The following MMD2 variants were observed in gnomAD, a reference collection of about 807,000 sequenced individuals.
The protein encoded by MMD2 is monocyte to macrophage differentiation factor 2.
MMD2 carries 30 observed loss-of-function variants against 33.5 expected under a neutral mutation model. The ratio of observed to expected loss-of-function variants is 0.90; its 90% CI spans 0.67 to 1.22. MMD2 has a LOEUF of 1.22. Ranked by LOEUF, MMD2 falls within the 50% of genes most tolerant of loss-of-function variation. The pLI is 0.00. For missense variants in MMD2, 364 were observed against 325.4 expected (o/e 1.12, Z -0.91); for synonymous variants, 129 against 123.0 (o/e 1.05, Z -0.32).
chr7:4,894,446 G>C, the MMD2 span, among the ~76,000 whole-genome samples: 1 of 152,130 alleles, frequency 6.6e-6, no homozygotes, highest in Non-Finnish European at 1.5e-5. This position sits in a 1 kb window ranked among gnomAD's most constrained non-coding sequence, Gnocchi z 4.3. Flanking sequence ...TAACAGAGTG[G>C]CTTTTAAGCG....
chr7:4,894,239 C>T, the MMD2 span, among the ~76,000 whole-genome samples: 9 of 152,164 alleles, frequency 5.9e-5, no homozygotes, highest in East Asian at 3.9e-4. This position sits in a 1 kb window ranked among gnomAD's most constrained non-coding sequence, Gnocchi z 4.3. Flanking sequence ...ACTTGCCTTA[C>T]GACCTAGCCG....
At chr7:4,943,630 G>T (rs1785973520) in intron 1 of MMD2, among the ~76,000 whole-genome samples, 1 of 152,134 alleles carries the variant, frequency 6.6e-6, no homozygotes, top group African/African-American at 2.4e-5. Context: ...CCAGTAGCCA[G>T]CATGTTAGCC....
chr7:4,905,521 A>G (rs190105507), downstream of MMD2, among the ~76,000 whole-genome samples: 54 of 151,894 alleles, frequency 3.6e-4, 2 homozygotes, highest in East Asian at 5.8e-3. This position sits in a 1 kb window ranked among gnomAD's most constrained non-coding sequence, Gnocchi z 5.0. Flanking sequence ...AGCAAGGAAG[A>G]AGGAGTAGTC....
intron 1 of MMD2, among the ~76,000 whole-genome samples, chr7:4,952,358 C>T (rs1786268270): frequency 6.6e-6 from 1 of 152,144 alleles, no homozygotes. Flanking sequence ...GTGGGGGTTT[C>T]CAGGTAAATC....
rs992801769 is a variant in MMD2, at chr7:4,906,280, T to C, written c.*1116A>G. ...AGGCTGGCCCCGCCCTGACGGGGGC[T>C]GAAGAACAGGCCCCCAGCAGCCTTG... On this transcript the variant is annotated 3_prime_UTR_variant, in exon 7 of 7. Transcript: ENST00000401401. The C allele has an allele frequency of 2.3e-5, 9 of 389,862 alleles. No individual in the cohort carries two copies. The highest frequency in any genetic ancestry group is 4.5e-5 in the Admixed American group (1 of 22,406). The allele number at this position is 389,862 out of a possible 1,614,324, so 24.2% of individuals were successfully genotyped here.
intron 4 of MMD2, among the ~76,000 whole-genome samples, chr7:4,914,832 G>A (rs1406863770): frequency 2.0e-5 from 3 of 152,176 alleles, no homozygotes; most frequent in Non-Finnish European, 4.4e-5. Flanking sequence ...TCAGGGGGCT[G>A]AGGCAGGAGA....
chr7:4,950,229 G>GCC (rs1786204365), intron 1 of MMD2, among the ~76,000 whole-genome samples: 1 of 152,064 alleles, frequency 6.6e-6, no homozygotes, highest in Non-Finnish European at 1.5e-5. Flanking sequence ...CTCCTGAGTA[G>GCC]CTGGGATTAC....
At chr7:4,914,080 G>A (rs893658033) in intron 4 of MMD2, among the ~76,000 whole-genome samples, 1 of 152,064 alleles carries the variant, frequency 6.6e-6, no homozygotes, top group Non-Finnish European at 1.5e-5. Flanking sequence ...TGACTTCCTG[G>A]GCTCAAGCGG....
intron 1 of MMD2, among the ~76,000 whole-genome samples, chr7:4,936,785 A>C (rs1388473993): frequency 3.9e-5 from 6 of 152,016 alleles, no homozygotes; most frequent in African/African-American, 1.4e-4. Flanking sequence ...CCCAGGCTGG[A>C]GTGCAATGGC....
chr7:4,911,279 AG>A (rs1311111779), intron 4 of MMD2, 33 bp from the exon 5 acceptor site: 53 of 1,531,412 alleles, frequency 3.5e-5, no homozygotes, highest in Admixed American at 2.7e-4. Context: ...CATGGCCCTG[AG>A]GGGGGCCCAC....
chr7:4,947,775 C>T (rs1786131641), intron 1 of MMD2, among the ~76,000 whole-genome samples: 2 of 140,740 alleles, frequency 1.4e-5, no homozygotes, highest in Admixed American at 1.5e-4. Context: ...TATCAGCTCA[C>T]TGCAAACTCC....
Position 4,939,823 on chromosome 7 carries a change from C to T in MMD2, c.48-14291G>A, listed in dbSNP as rs186480985. On this transcript the variant is annotated intron_variant, in intron 1 of 6. Coordinates refer to ENST00000401401, the MANE Select transcript of MMD2 (RefSeq NM_198403.4). ...TGGCACAATCTCGGCTCACTGCAAC[C>T]TCTGCCTTCCAGGTTCAAGCAATCT... Among the ~76,000 whole-genome samples the T allele has an allele frequency of 6.7e-3, 1,011 of 151,818 alleles. 11 individuals are homozygous for T. Among genetic ancestry groups the T allele is most frequent in the African/African-American group, 0.023 (960 of 41,364 alleles).
intron 2 of MMD2, among the ~76,000 whole-genome samples, chr7:4,924,723 G>A (rs1298749930): frequency 1.3e-5 from 2 of 152,198 alleles, no homozygotes; most frequent in Non-Finnish European, 2.9e-5. Context: ...GGCAGGGCTG[G>A]AGTGGAGACA....
rs377562412 is a variant in MMD2, at chr7:4,906,584, T to C, written c.*812A>G. The C allele has an allele frequency of 3.0e-5, 12 of 398,572 alleles. No homozygotes were observed. Among genetic ancestry groups the C allele is most frequent in the South Asian group, 2.5e-4 (2 of 7,856 alleles). 24.7% of individuals were successfully genotyped at this position (398,572 alleles called of 1,614,324 possible). ...AAGTAACAGCATCCTCATTCCCAAC[T>C]CTACTGAGAATCAACTACGGTGGAA... On this transcript the variant is annotated 3_prime_UTR_variant, in exon 7 of 7. Coordinates refer to ENST00000401401, the MANE Select transcript of MMD2 (RefSeq NM_198403.4).
At chr7:4,921,599 C>T (rs532354979) in intron 2 of MMD2, among the ~76,000 whole-genome samples, 97 of 140,474 alleles carry the variant, frequency 6.9e-4, no homozygotes, top group Non-Finnish European at 1.2e-3. Context: ...CCAGCCTGGG[C>T]GACAGAGCAA....
intron 2 of MMD2, among the ~76,000 whole-genome samples, chr7:4,925,156 C>G (rs935638700): frequency 6.6e-6 from 1 of 152,102 alleles, no homozygotes; most frequent in Non-Finnish European, 1.5e-5. Flanking sequence ...GTCTCAAACT[C>G]CTGACCTCAG....
chr7:4,947,425 G>A lies in MMD2; in HGVS notation c.47+11546C>T, dbSNP rs1311494699. Among the ~76,000 whole-genome samples, 6 of 149,972 alleles carry A rather than the reference G, an allele frequency of 4.0e-5. No homozygotes were observed. The East Asian group carries it at 6.0e-4, about 15-fold the overall frequency. On this transcript the variant is annotated intron_variant, in intron 1 of 6. Coordinates refer to ENST00000401401, the MANE Select transcript of MMD2 (RefSeq NM_198403.4). The stretch of plus-strand genomic sequence containing the variant: ...TTTTTTTTTTTTGAGACAGGGTCTC[G>A]CTCTGTTGCACAGGCTGGAGTGCAG...
At chr7:4,931,187 G>C (rs1785577486) in intron 1 of MMD2, among the ~76,000 whole-genome samples, 1 of 151,948 alleles carries the variant, frequency 6.6e-6, no homozygotes, top group African/African-American at 2.4e-5. Flanking sequence ...TTTTGAGAAA[G>C]GGTCTTGCTC....
At chr7:4,925,012 C>A (rs1785385132) in intron 2 of MMD2, among the ~76,000 whole-genome samples, 1 of 152,106 alleles carries the variant, frequency 6.6e-6, no homozygotes, top group African/African-American at 2.4e-5. Flanking sequence ...CTCACTGCAA[C>A]CTCCGACTCC....
Sources: allele counts gnomAD v4.1 joint callset (sites outside exome capture counted in the v4.1 genomes callset), GRCh38; gene constraint gnomAD v4.1.1; non-coding constraint Gnocchi (gnomAD v3.1); transcripts MANE v1.5; gene names NCBI Gene and HGNC (gene_info 2026-07-23, HGNC 2026-07-21).